The following CREB5 variants were observed in gnomAD, a reference collection of about 807,000 sequenced individuals.
CREB5 encodes the protein cAMP responsive element binding protein 5.
In CREB5, 19 loss-of-function variants were observed where a neutral mutation model predicts 57.1. The ratio of observed to expected loss-of-function variants is 0.33; its 90% confidence interval spans 0.23 to 0.49. The LOEUF (loss-of-function observed/expected upper bound fraction) is 0.49. Among genes scored for constraint, CREB5 ranks in the 20% least tolerant of loss-of-function variants. The pLI is 0.99. For missense variants in CREB5, 579 were observed against 671.6 expected (o/e 0.86, Z 1.52); for synonymous variants, 238 against 238.3 (o/e 1.00, Z 0.01).
chr7:28,781,774 A>AT (rs34772883), intron 7 of CREB5, among the ~76,000 whole-genome samples: 97,756 of 149,996 alleles, frequency 0.65, 31,900 homozygotes, highest in South Asian at 0.71. Flanking sequence ...ACAAAAATTG[A>AT]TTTTTTTTTT....
chr7:28,385,931 C>T (rs1330537543), intron 1 of CREB5, among the ~76,000 whole-genome samples: 5 of 152,078 alleles, frequency 3.3e-5, no homozygotes, highest in African/African-American at 7.2e-5. Flanking sequence ...CTGGCCTGCA[C>T]TTCCATCAGA....
intron 1 of CREB5, among the ~76,000 whole-genome samples, chr7:28,385,737 T>A (rs1190005558): frequency 1.3e-5 from 2 of 152,232 alleles, no homozygotes; most frequent in East Asian, 1.9e-4. Context: ...GAGTTTTTTT[T>A]ATAATTGGTT....
At chr7:28,632,480 T>C (rs146026105) in intron 5 of CREB5, among the ~76,000 whole-genome samples, 2 of 152,312 alleles carry the variant, frequency 1.3e-5, no homozygotes, top group African/African-American at 4.8e-5. Flanking sequence ...TGCCTTCTTT[T>C]GGGGGTGATG....
intron 1 of CREB5, among the ~76,000 whole-genome samples, chr7:28,378,876 A>G (rs573881459): frequency 2.6e-5 from 4 of 152,202 alleles, no homozygotes; most frequent in Non-Finnish European, 1.5e-5. Context: ...GCTGAAATGA[A>G]GATATATTTT....
At chr7:28,445,398 G>A (rs1789392995) in intron 1 of CREB5, among the ~76,000 whole-genome samples, 1 of 152,110 alleles carries the variant, frequency 6.6e-6, no homozygotes, top group Non-Finnish European at 1.5e-5. Flanking sequence ...CTGCCTATCA[G>A]GTTCTACAGT....
intron 4 of CREB5, among the ~76,000 whole-genome samples, chr7:28,563,116 A>C (rs998032878): frequency 6.6e-6 from 1 of 152,184 alleles, no homozygotes; most frequent in African/African-American, 2.4e-5. Flanking sequence ...TAAGAGTTAA[A>C]TGAGTTTTCT....
chr7:28,461,231 GAAA>G (rs34364190), intron 1 of CREB5, among the ~76,000 whole-genome samples: 5 of 140,628 alleles, frequency 3.6e-5, no homozygotes, highest in African/African-American at 7.9e-5. Context: ...CTCTGCCTCT[GAAA>G]AAAAAAAAAA....
intron 1 of CREB5, among the ~76,000 whole-genome samples, chr7:28,371,585 C>A (rs981849116): frequency 5.3e-5 from 8 of 151,960 alleles, no homozygotes; most frequent in South Asian, 2.1e-4. Context: ...GAAAGCCCTG[C>A]GGGCAGCACC....
At chr7:28,548,848 C>A (rs1446637402) in intron 4 of CREB5, among the ~76,000 whole-genome samples, 2 of 152,106 alleles carry the variant, frequency 1.3e-5, no homozygotes, top group African/African-American at 4.8e-5. Flanking sequence ...TTCCAGACAT[C>A]CTCAGTATTT....
chr7:28,740,362 C>CTGTT (rs1804263666), intron 7 of CREB5, among the ~76,000 whole-genome samples: 2 of 152,162 alleles, frequency 1.3e-5, no homozygotes, highest in Non-Finnish European at 2.9e-5. Flanking sequence ...CTTTCCCTTT[C>CTGTT]TGTTTGGTAT....
chr7:28,645,219 C>A (rs1583471640), intron 5 of CREB5, among the ~76,000 whole-genome samples: 2 of 152,314 alleles, frequency 1.3e-5, no homozygotes, highest in East Asian at 3.9e-4. Context: ...ACCCTGCAAT[C>A]TGTGGGTCCC....
intron 7 of CREB5, among the ~76,000 whole-genome samples, chr7:28,794,342 C>A (rs1010527501): frequency 1.2e-4 from 19 of 152,178 alleles, no homozygotes; most frequent in Non-Finnish European, 2.5e-4. Context: ...AGAAAGCGTT[C>A]TTTCTATAAA....
At chr7:28,815,812 A>AT (rs1348928544) in intron 9 of CREB5, among the ~76,000 whole-genome samples, 2 of 152,158 alleles carry the variant, frequency 1.3e-5, no homozygotes, top group African/African-American at 2.4e-5. Context: ...CAAAAGTATA[A>AT]GAAAGCAAGA....
intron 5 of CREB5, among the ~76,000 whole-genome samples, chr7:28,580,385 G>GA (rs1275628855): frequency 6.8e-6 from 1 of 147,518 alleles, no homozygotes; most frequent in Admixed American, 6.7e-5. Flanking sequence ...TGTGTGGGGG[G>GA]GGCATGTGGT....
intron 5 of CREB5, among the ~76,000 whole-genome samples, chr7:28,687,988 G>T (rs1801038975): frequency 1.3e-5 from 2 of 152,144 alleles, no homozygotes. Context: ...CTTTCCACTC[G>T]AAAGTTCTAT....
chr7:28,660,640 A>C (rs1444457657), intron 5 of CREB5, among the ~76,000 whole-genome samples: 2 of 152,184 alleles, frequency 1.3e-5, no homozygotes, highest in Non-Finnish European at 2.9e-5. Context: ...AGTAAAAAAA[A>C]GTCTAGAGAA....
In CREB5 at chr7:28,819,316, A is replaced by G. The variant is rs1183406551; in HGVS notation, c.*37A>G. 6 of 1,594,820 alleles carry G rather than the reference A, an allele frequency of 3.8e-6. No individual in the cohort carries two copies. The highest frequency in any genetic ancestry group is 1.8e-5 in the Admixed American group (1 of 56,994). On this transcript the variant is annotated 3_prime_UTR_variant, in exon 11 of 11. Transcript: ENST00000357727. ...AGACCTGGCCTCCAAGAAGAGCTGT[A>G]GCGTACCATGCGTCCTTTCTTTTAA...
At chr7:28,355,730 T>A (rs1786326049) in intron 1 of CREB5, among the ~76,000 whole-genome samples, 1 of 152,218 alleles carries the variant, frequency 6.6e-6, no homozygotes, top group Non-Finnish European at 1.5e-5. Flanking sequence ...AGGATAAAGC[T>A]AATCCGAATC....
intron 4 of CREB5, among the ~76,000 whole-genome samples, chr7:28,531,108 T>A: frequency 6.6e-6 from 1 of 152,100 alleles, no homozygotes; most frequent in South Asian, 2.1e-4. Context: ...GAAAGCCCCA[T>A]GGTCAATCCA....
Sources: allele counts gnomAD v4.1 joint callset (sites outside exome capture counted in the v4.1 genomes callset), GRCh38; gene constraint gnomAD v4.1.1; transcripts MANE v1.5; gene names NCBI Gene and HGNC (gene_info 2026-07-23, HGNC 2026-07-21).